The following AGTPBP1 variants were observed in gnomAD, a reference collection of about 807,000 sequenced individuals.
AGTPBP1 encodes ATP/GTP binding carboxypeptidase 1, also known as cytosolic carboxypeptidase 1.
A neutral mutation model predicts 143.9 loss-of-function variants in AGTPBP1; 70 were observed. That is an observed-to-expected ratio of 0.49 (90% CI 0.40 to 0.59). AGTPBP1 has a LOEUF of 0.59. AGTPBP1 is among the 20% of genes least tolerant of loss of function. AGTPBP1 has a pLI of 0.00. For missense variants in AGTPBP1, 1,229 were observed against 1,464.5 expected (o/e 0.84, Z 2.62); for synonymous variants, 463 against 500.2 (o/e 0.93, Z 0.99).
chr9:85,745,370 G>C (rs974026633), upstream of AGTPBP1, among the ~76,000 whole-genome samples: 8 of 152,214 alleles, frequency 5.3e-5, no homozygotes, highest in African/African-American at 1.9e-4. Flanking sequence ...AGGATTGATT[G>C]TTATAACTAT....
At position 85,607,477 on chromosome 9, in the gene AGTPBP1, T is replaced by G. The variant is rs542600316; in HGVS notation, c.2336-11028A>C. On this transcript the variant is annotated intron_variant, in intron 17 of 25. Transcript: ENST00000357081. ...GGTAAACTCAGACTCAATAAACCAG[T>G]CTATTCAACCTGATATAGTATGGAA... 6.6e-5 allele frequency among the ~76,000 whole-genome samples: 10 copies of G among 152,204 alleles called. No homozygotes were observed. In the South Asian group the frequency reaches 2.1e-3, roughly 32 times the overall value.
At position 85,546,597 on chromosome 9, in the gene AGTPBP1, TCAAGG is replaced by T. The variant is rs1165499830; in HGVS notation, c.*507_*511del. On this transcript the variant is annotated 3_prime_UTR_variant, in exon 26 of 26. Transcript: ENST00000357081. The stretch of plus-strand genomic sequence containing the variant: ...TTGGTAAATGTAGAATGTAATGGTT[TCAAGG>T]CAAACCCTGGACTACTTCAGTCACA... 1.3e-5 allele frequency: 2 copies of T among 152,412 alleles called. No individual in the cohort carries two copies. The highest frequency in any genetic ancestry group is 4.8e-5 in the African/African-American group (2 of 41,582). 9.4% of individuals were successfully genotyped at this position (152,412 alleles called of 1,614,324 possible).
the AGTPBP1 span, chr9:85,805,274 C>CCCGCCCCGAGGCTCTCACG: frequency 6.6e-6 from 1 of 152,212 alleles, no homozygotes; most frequent in African/African-American, 2.4e-5. Context: ...AGGCCCCGCC[C>CCCGCCCCGAGGCTCTCACG]CCGCCCCGAG....
At chr9:85,705,229 C>A (rs1359713) in intron 2 of AGTPBP1, among the ~76,000 whole-genome samples, 24,698 of 142,288 alleles carry the variant, frequency 0.17, 3,177 homozygotes, top group East Asian at 0.76. Flanking sequence ...AAAAAAAAAA[C>A]AAAAAACCTA....
At chr9:85,765,294 TG>T in the AGTPBP1 span, among the ~76,000 whole-genome samples, 1 of 152,166 alleles carries the variant, frequency 6.6e-6, no homozygotes, top group Non-Finnish European at 1.5e-5. Context: ...ATATATTTCT[TG>T]AAGGATACTA....
intron 13 of AGTPBP1, among the ~76,000 whole-genome samples, chr9:85,634,193 CAAAAAA>C (rs112565067): frequency 8.9e-5 from 5 of 56,320 alleles, no homozygotes; most frequent in African/African-American, 2.3e-4. Flanking sequence ...GACTCTCTCT[CAAAAAA>C]AAAAAAAAAA....
At chr9:85,688,341 T>C (rs1468451746) in intron 3 of AGTPBP1, among the ~76,000 whole-genome samples, 2 of 152,124 alleles carry the variant, frequency 1.3e-5, no homozygotes. Flanking sequence ...GGTGGGCTGA[T>C]CTATATATTA....
At chr9:85,595,435 A>G (rs1298506127) in intron 18 of AGTPBP1, among the ~76,000 whole-genome samples, 2 of 152,266 alleles carry the variant, frequency 1.3e-5, no homozygotes, top group East Asian at 1.9e-4. Flanking sequence ...GAAGCAAGAT[A>G]CATGAGAATC....
intron 2 of AGTPBP1, among the ~76,000 whole-genome samples, chr9:85,707,546 C>T (rs914192955): frequency 5.3e-5 from 8 of 151,866 alleles, no homozygotes; most frequent in Middle Eastern, 3.4e-3. Context: ...GGAAAAGTAA[C>T]GTCACTATAA....
the AGTPBP1 span, among the ~76,000 whole-genome samples, chr9:85,764,473 T>C: frequency 6.6e-6 from 1 of 152,130 alleles, no homozygotes; most frequent in African/African-American, 2.4e-5. Flanking sequence ...AAGGTTGCAG[T>C]GAGCTGAGGT....
chr9:85,786,141 C>A, the AGTPBP1 span: 1,343 of 1,607,394 alleles, frequency 8.4e-4, 3 homozygotes, highest in South Asian at 1.3e-3. Context: ...CAGAAGGAGG[C>A]ATGCTTTCAG....
At chr9:85,715,222 G>A (rs1185486068) in intron 1 of AGTPBP1, among the ~76,000 whole-genome samples, 11 of 151,600 alleles carry the variant, frequency 7.3e-5, no homozygotes, top group Admixed American at 7.2e-4. Flanking sequence ...CTCCAGCCCG[G>A]GTGACAGAGC....
intron 25 of AGTPBP1, among the ~76,000 whole-genome samples, chr9:85,559,136 T>C (rs912621193): frequency 6.6e-6 from 1 of 152,214 alleles, no homozygotes; most frequent in African/African-American, 2.4e-5. Context: ...AAATACTACA[T>C]AGCTATTTGC....
chr9:85,646,794 T>C (rs974614424), intron 11 of AGTPBP1, among the ~76,000 whole-genome samples: 1 of 152,224 alleles, frequency 6.6e-6, no homozygotes, highest in Non-Finnish European at 1.5e-5. Flanking sequence ...TGCCACATAC[T>C]GTGCTATATG....
intron 1 of AGTPBP1, among the ~76,000 whole-genome samples, chr9:85,723,103 G>A (rs139889068): frequency 3.9e-5 from 6 of 152,324 alleles, no homozygotes; most frequent in East Asian, 3.9e-4. Context: ...CTACAAGGAG[G>A]TGTCTCCCAG....
chr9:85,669,627 A>G, intron 7 of AGTPBP1, 49 bp from the exon 8 acceptor site: 1 of 1,263,570 alleles, frequency 7.9e-7, no homozygotes, highest in Non-Finnish European at 1.2e-6. Context: ...TTTGACAACC[A>G]AAAATGTGTA....
At chr9:85,785,394 C>G in the AGTPBP1 span, among the ~76,000 whole-genome samples, 1 of 152,068 alleles carries the variant, frequency 6.6e-6, no homozygotes, top group African/African-American at 2.4e-5. Flanking sequence ...AAGCATGCAT[C>G]AATATGTTGA....
intron 25 of AGTPBP1, among the ~76,000 whole-genome samples, chr9:85,566,675 A>G (rs551855630): frequency 1.3e-4 from 20 of 152,294 alleles, no homozygotes; most frequent in Non-Finnish European, 2.9e-4. Context: ...AATAAGATAT[A>G]TATCTCCTTG....
chr9:85,652,853 G>C (rs1012590799), intron 11 of AGTPBP1, among the ~76,000 whole-genome samples: 1 of 152,202 alleles, frequency 6.6e-6, no homozygotes, highest in Admixed American at 6.5e-5. Context: ...TAGCAGTCCT[G>C]TGGGACTAAA....
Sources: gnomAD v4.1 joint callset for allele counts (sites outside exome capture counted in the v4.1 genomes callset) on GRCh38, gnomAD v4.1.1 for gene constraint, MANE v1.5 for transcripts, NCBI Gene and HGNC (gene_info 2026-07-23, HGNC 2026-07-21) for gene names.